C2: variants seen among roughly 807,000 people sequenced by gnomAD.
The protein encoded by C2 is complement C2.
Under a neutral mutation model 85.2 loss-of-function variants are expected in C2, and 64 were observed. The ratio of observed to expected loss-of-function variants is 0.75; its 90% CI spans 0.61 to 0.92. The LOEUF (loss-of-function observed/expected upper bound fraction) is 0.92, where lower values mean the gene tolerates loss of function less well. Ranked by LOEUF, C2 falls within the 40% of genes least tolerant of loss-of-function variation. The pLI, the probability that C2 is intolerant of heterozygous loss-of-function variation, is 0.00. For synonymous variants in C2, 311 were observed against 370.8 expected, an observed-to-expected ratio of 0.84 and a Z score of 1.85; for missense variants, 820 against 971.6, an observed-to-expected ratio of 0.84 and a Z score of 2.07.
upstream of C2, among the ~76,000 whole-genome samples, chr6:31,918,743 CA>C (rs1768737352): frequency 6.6e-6 from 1 of 151,526 alleles, no homozygotes; most frequent in Non-Finnish European, 1.5e-5. Flanking sequence ...ACTAAAAATA[CA>C]AAAAAATTAG....
chr6:31,907,841 CTTTT>C (rs9281622), intron 1 of C2, among the ~76,000 whole-genome samples: 15 of 67,976 alleles, frequency 2.2e-4, no homozygotes, highest in South Asian at 7.5e-4. Flanking sequence ...CCACTTCTGG[CTTTT>C]TTTTTTTTTT....
intron 1 of C2, among the ~76,000 whole-genome samples, chr6:31,911,340 GA>G (rs1768085886): frequency 1.3e-5 from 2 of 151,804 alleles, no homozygotes; most frequent in Non-Finnish European, 2.9e-5. Flanking sequence ...AAAATAAAAT[GA>G]ATCATGAAGG....
Position 31,939,214 on chromosome 6 carries a change from T to C in C2, c.1130-17T>C, listed in dbSNP as rs771398733. On this transcript the variant is annotated splice_polypyrimidine_tract_variant and intron_variant, in intron 8 of 17. Transcript: ENST00000299367. ...CCTGATATTACCTAGAAGAATTCTT[T>C]ATTCTCTTTGTTCTAGGAAAGTCCA... 24 of 1,567,752 alleles carry C rather than the reference T, an allele frequency of 1.5e-5. No homozygotes were observed. The highest frequency in any genetic ancestry group is 1.7e-5 in the Non-Finnish European group (19 of 1,139,150).
chr6:31,917,218 A>T (rs183559988), upstream of C2, among the ~76,000 whole-genome samples: 5 of 151,938 alleles, frequency 3.3e-5, no homozygotes, highest in East Asian at 7.7e-4. Context: ...GAACAATGAG[A>T]TGTTTTATAA....
Position 31,937,352 on chromosome 6 carries a change from C to A in C2, c.1022C>A (p.Ala341Glu). The change falls in exon 8 of 18, where the codon GCG (alanine) becomes GAG (glutamate). Residue 341 changes from alanine to glutamate, a missense_variant. By Grantham distance (107) the Ala-to-Glu change is moderately radical. Transcript: ENST00000299367. ...AATGGAACTGGGACTAACACCTATG[C>A]GGCCTTAAACAGTGTCTATCTCATG... ...HENGTGTNTY[A>E]ALNSVYLMMN... 6.2e-7 allele frequency: 1 copy of A among 1,612,754 alleles called. No homozygotes were observed. The highest frequency in any genetic ancestry group is 8.5e-7 in the Non-Finnish European group (1 of 1,179,886).
rs1771073249 is a variant in C2, at chr6:31,943,512, T to A, written c.1552T>A (p.Trp518Arg). ...CCGCGATGGCAACGACCACTCCCTG[T>A]GGAGGGTCAATGTGGGTAAGGCAGG... is the stretch of plus-strand genomic sequence containing the variant. ...CFRDGNDHSL[W>R]RVNVGDPKSQ... Residue 518 changes from tryptophan (W) to arginine (R), a missense_variant, in exon 12 of 18, where the codon TGG becomes AGG. Coordinates refer to ENST00000299367, the MANE Select transcript of C2 (RefSeq NM_000063.6). This position sits in a 1 kb window ranked among gnomAD's most constrained non-coding sequence, Gnocchi z 6.4. 4 of 1,612,720 alleles carry A rather than the reference T, an allele frequency of 2.5e-6. No individual in the cohort carries two copies. The highest frequency in any genetic ancestry group is 3.4e-6 in the Non-Finnish European group (4 of 1,179,854).
chr6:31,943,130 G>C lies in C2; in HGVS notation c.1360+31G>C, dbSNP rs1454210958. On this transcript the variant is annotated intron_variant, in intron 10 of 17. Coordinates refer to ENST00000299367, the MANE Select transcript of C2 (RefSeq NM_000063.6). This position sits in a 1 kb window ranked among gnomAD's most constrained non-coding sequence, Gnocchi z 6.4. ...TGAGCTTTGCCCTCCTTGGTGTGGG[G>C]AGGATGGTGAGGAGCCCGCCAGAGG... The C allele has an allele frequency of 6.2e-7, 1 of 1,612,888 alleles. No individual in the cohort carries two copies. The highest frequency in any genetic ancestry group is 8.5e-7 in the Non-Finnish European group (1 of 1,179,894).
chr6:31,900,358 G>A (rs766628932), upstream of C2: 8 of 1,589,018 alleles, frequency 5.0e-6, no homozygotes, highest in African/African-American at 4.0e-5. The surrounding 1 kb of genome is among the most constrained non-coding windows in gnomAD (Gnocchi z 9.7). Context: ...GGGGTCCCCG[G>A]CTGCCCCCCG....
At chr6:31,934,386 C>G (rs1562598703) in intron 6 of C2, 87 bp downstream of exon 6, 2 of 1,534,008 alleles carry the variant, frequency 1.3e-6, no homozygotes, top group Non-Finnish European at 1.8e-6. Flanking sequence ...GAACCCCACT[C>G]ACAGCCCACC....
chr6:31,935,948 G>A lies in C2; in HGVS notation c.875G>A (p.Ser292Asn). 1 of 1,613,044 alleles carries A rather than the reference G, an allele frequency of 6.2e-7. No individual in the cohort carries two copies. The highest frequency in any genetic ancestry group is 8.5e-7 in the Non-Finnish European group (1 of 1,180,016). ...ATCTTCAGCTTTGAGATCAATGTGAGCGTTGCCATTATCACCTTTGCCTCA... is the reference window on the plus strand; with the variant it reads ...ATCTTCAGCTTTGAGATCAATGTGAACGTTGCCATTATCACCTTTGCCTCA... ...DRIFSFEINVSVAIITFASEP... is the reference protein window; with the variant it reads ...DRIFSFEINVNVAIITFASEP... Residue 292 changes from serine (S) to asparagine (N), a missense_variant, in exon 7 of 18, where the codon AGC becomes AAC. Ser to Asn is a conservative substitution (Grantham distance 46). Coordinates refer to ENST00000299367, the MANE Select transcript of C2 (RefSeq NM_000063.6). The surrounding 1 kb of genome is among the most constrained non-coding windows in gnomAD (Gnocchi z 4.3).
intron 4 of C2, 29 bp from the exon 5 acceptor site, chr6:31,933,838 G>A (rs752545777): frequency 7.4e-6 from 12 of 1,613,474 alleles, no homozygotes; most frequent in East Asian, 6.7e-5. Context: ...CCACTGCCCC[G>A]GCTGACTCCT....
At chr6:31,908,340 T>C (rs1408257573) in intron 1 of C2, among the ~76,000 whole-genome samples, 1 of 151,600 alleles carries the variant, frequency 6.6e-6, no homozygotes, top group Non-Finnish European at 1.5e-5. Context: ...TACAGCAAAT[T>C]TCATTGTTGT....
At chr6:31,899,838 C>G (rs1767058727), upstream of C2, 1 of 1,358,030 alleles carries the variant, frequency 7.4e-7, no homozygotes, top group Non-Finnish European at 9.9e-7. Context: ...CTGCCCCAGA[C>G]CCCCCACCCC....
intron 9 of C2, among the ~76,000 whole-genome samples, chr6:31,940,979 G>A (rs2151766260): frequency 6.6e-6 from 1 of 152,358 alleles, no homozygotes; most frequent in South Asian, 2.1e-4. Flanking sequence ...AGACTCTGTG[G>A]TCTGTCTGAG....
In C2 at chr6:31,944,466, C is replaced by T. The variant is rs531964680; in HGVS notation, c.1902+240C>T. ...GCACGACCTCAGCTCACTGCAACTT[C>T]TGCCTCCTGGGTTCAAGCGATTCTC... On this transcript the variant is annotated intron_variant, in intron 15 of 17. Coordinates refer to ENST00000299367, the MANE Select transcript of C2 (RefSeq NM_000063.6). This position sits in a 1 kb window ranked among gnomAD's most constrained non-coding sequence, Gnocchi z 5.1. Among the ~76,000 whole-genome samples the T allele has an allele frequency of 1.3e-5, 2 of 152,338 alleles. No homozygotes were observed. The highest frequency in any genetic ancestry group is 3.9e-4 in the East Asian group (2 of 5,190).
chr6:31,929,828 A>G (rs1010700817), intron 3 of C2, among the ~76,000 whole-genome samples: 1 of 151,564 alleles, frequency 6.6e-6, no homozygotes, highest in Admixed American at 6.6e-5. Flanking sequence ...GATTGAGACC[A>G]GCCTGGTCAA....
At chr6:31,927,134 A>C (rs1463240257), upstream of C2, among the ~76,000 whole-genome samples, 1 of 152,182 alleles carries the variant, frequency 6.6e-6, no homozygotes, top group Non-Finnish European at 1.5e-5. This position sits in a 1 kb window ranked among gnomAD's most constrained non-coding sequence, Gnocchi z 4.7. Flanking sequence ...ATCTCTAGGG[A>C]AGGATTGTAG....
At position 31,903,396 on chromosome 6, in the gene C2, G is replaced by A. The variant is rs753747538; in HGVS notation, c.73+2257G>A. 4.5e-3 allele frequency among the ~76,000 whole-genome samples: 683 copies of A among 151,724 alleles called. 2 individuals are homozygous for A. The highest frequency in any genetic ancestry group is 0.013 in the East Asian group (66 of 5,136). ...TGTAATCCCAGCACTGTGGGAGGCC[G>A]AGGCAGGTGGATCACCTGAGGTCAG... On this transcript the variant is annotated intron_variant, in intron 1 of 3. Coordinates refer to the C2 transcript ENST00000452202.
At chr6:31,912,156 C>T (rs901245587) in intron 1 of C2, among the ~76,000 whole-genome samples, 1 of 152,144 alleles carries the variant, frequency 6.6e-6, no homozygotes, top group Non-Finnish European at 1.5e-5. Flanking sequence ...TCCACATATT[C>T]GTAAGAGTGG....
Sources: gnomAD v4.1 joint callset for allele counts (sites outside exome capture counted in the v4.1 genomes callset) on GRCh38, gnomAD v4.1.1 for gene constraint, Gnocchi (gnomAD v3.1) non-coding constraint, MANE v1.5 for transcripts, NCBI Gene and HGNC (gene_info 2026-07-23, HGNC 2026-07-21) for gene names.